ASRGL1: variants seen among roughly 807,000 people sequenced by gnomAD.
ASRGL1 encodes asparaginase and isoaspartyl peptidase 1.
In ASRGL1, 16 loss-of-function variants were observed where a neutral mutation model predicts 22.4. The observed-to-expected ratio is 0.71, with a 90% CI of 0.48 to 1.08. ASRGL1 has a LOEUF of 1.08. Among genes scored for constraint, ASRGL1 ranks in the 50% least tolerant of loss-of-function variants. The pLI, the probability that ASRGL1 is intolerant of heterozygous loss-of-function variation, is 0.00. For missense variants in ASRGL1, 412 were observed against 410.1 expected, an observed-to-expected ratio of 1.00 and a Z score of -0.04; for synonymous variants, 165 against 159.3, an observed-to-expected ratio of 1.04 and a Z score of -0.27.
chr11:62,342,825 A>G (rs1272716570), intron 2 of ASRGL1, among the ~76,000 whole-genome samples: 1 of 152,124 alleles, frequency 6.6e-6, no homozygotes, highest in Non-Finnish European at 1.5e-5. Context: ...TTTGGTTAAC[A>G]TAATACATTA....
intron 4 of ASRGL1, chr11:62,371,391 C>T (rs536162453): frequency 1.6e-6 from 1 of 615,308 alleles, no homozygotes; most frequent in South Asian, 2.1e-5. Context: ...CTGTGGTGGT[C>T]GCCGAACCCG....
At chr11:62,362,891 A>ATTTTTTTT (rs60507577) in intron 4 of ASRGL1, among the ~76,000 whole-genome samples, 3 of 50,366 alleles carry the variant, frequency 6.0e-5, no homozygotes, top group African/African-American at 2.9e-4. Context: ...AAAGGATTTA[A>ATTTTTTTT]TTTTTTTTTT....
chr11:62,338,282 ATG>A, intron 2 of ASRGL1, 115 bp downstream of exon 2: 5 of 1,081,444 alleles, frequency 4.6e-6, no homozygotes, highest in Non-Finnish European at 6.3e-6. Flanking sequence ...GAAACTAAGT[ATG>A]TAAAAAAGAA....
At chr11:62,399,922 T>C in the ASRGL1 span, among the ~76,000 whole-genome samples, 1 of 152,212 alleles carries the variant, frequency 6.6e-6, no homozygotes. Context: ...GGGTGGCAGC[T>C]GGGCCTGTGC....
chr11:62,357,205 T>G, intron 4 of ASRGL1, 61 bp downstream of exon 4: 3 of 1,517,630 alleles, frequency 2.0e-6, no homozygotes, highest in South Asian at 1.2e-5. Context: ...GTTTGGCAAA[T>G]ACCTGGTTAT....
At chr11:62,391,718 G>GAC in intron 6 of ASRGL1, 86 bp downstream of exon 6, 8 of 1,409,228 alleles carry the variant, frequency 5.7e-6, no homozygotes, top group Non-Finnish European at 7.6e-6. Context: ...GAGAAGTGTA[G>GAC]GAAACCCTTT....
intron 2 of ASRGL1, among the ~76,000 whole-genome samples, chr11:62,342,662 G>A (rs1389717535): frequency 1.3e-5 from 2 of 152,010 alleles, no homozygotes; most frequent in Non-Finnish European, 2.9e-5. Flanking sequence ...GGAGGCTGAG[G>A]CATGAGAATC....
At chr11:62,394,501 G>T (rs1387399934), downstream of ASRGL1, among the ~76,000 whole-genome samples, 1 of 151,666 alleles carries the variant, frequency 6.6e-6, no homozygotes, top group East Asian at 1.9e-4. Context: ...GGAGAGGACA[G>T]AATTCAGTCC....
At chr11:62,360,177 GCCA>G (rs2134619149) in intron 4 of ASRGL1, among the ~76,000 whole-genome samples, 1 of 151,606 alleles carries the variant, frequency 6.6e-6, no homozygotes, top group East Asian at 1.9e-4. Context: ...ACAGGTGTGC[GCCA>G]CCACGCCTGG....
At chr11:62,358,763 G>A (rs538483579) in intron 4 of ASRGL1, among the ~76,000 whole-genome samples, 5 of 152,270 alleles carry the variant, frequency 3.3e-5, no homozygotes, top group African/African-American at 1.2e-4. Context: ...CTCCACATCC[G>A]TTGCTCTATG....
chr11:62,343,918 CTTTTTTTTTT>C (rs34446979), intron 2 of ASRGL1, among the ~76,000 whole-genome samples: 1 of 100,648 alleles, frequency 9.9e-6, no homozygotes, highest in African/African-American at 3.8e-5. Flanking sequence ...TCATGCATTT[CTTTTTTTTTT>C]TTTTTTTTTT....
chr11:62,356,352 G>T lies in ASRGL1; in HGVS notation c.218G>T (p.Gly73Val). 1 of 1,614,218 alleles carries T rather than the reference G, an allele frequency of 6.2e-7. No individual in the cohort carries two copies. Among genetic ancestry groups the T allele is most frequent in the Non-Finnish European group, 8.5e-7 (1 of 1,180,026 alleles). ...AGCGSVLNTN[G>V]EVEMDASIMD... Reference sequence around the variant, plus strand: ...TGTGGGTCTGTCTTGAACACAAATGGTGAGGTTGAAATGGATGCTAGTATC... The same window carrying T: ...TGTGGGTCTGTCTTGAACACAAATGTTGAGGTTGAAATGGATGCTAGTATC... Residue 73 changes from glycine (G) to valine (V), a missense_variant, in exon 3 of 7, where the codon GGT becomes GTT. Gly to Val is a moderately radical substitution (Grantham distance 109). Transcript: ENST00000415229.
intron 6 of ASRGL1, 197 bp downstream of exon 6, chr11:62,391,829 T>G: frequency 1.3e-6 from 1 of 763,926 alleles, no homozygotes; most frequent in Non-Finnish European, 2.1e-6. Context: ...ACTGTTATCT[T>G]CCACATCTCA....
the ASRGL1 span, among the ~76,000 whole-genome samples, chr11:62,400,087 G>A: frequency 6.6e-6 from 1 of 152,120 alleles, no homozygotes; most frequent in Non-Finnish European, 1.5e-5. Flanking sequence ...CTGCTGCCTG[G>A]ATCCAGTCTA....
intron 4 of ASRGL1, among the ~76,000 whole-genome samples, chr11:62,366,615 A>AT (rs1946616625): frequency 6.6e-6 from 1 of 150,534 alleles, no homozygotes; most frequent in South Asian, 2.1e-4. Context: ...TCCTACACTC[A>AT]TTTTTTCCTT....
intron 2 of ASRGL1, among the ~76,000 whole-genome samples, chr11:62,355,519 C>T (rs1946265054): frequency 6.6e-6 from 1 of 151,976 alleles, no homozygotes; most frequent in East Asian, 1.9e-4. Context: ...CCGCTGTGCC[C>T]GGCCAAGATT....
At chr11:62,369,887 T>C (rs1037876933) in intron 4 of ASRGL1, among the ~76,000 whole-genome samples, 1 of 152,202 alleles carries the variant, frequency 6.6e-6, no homozygotes, top group African/African-American at 2.4e-5. Flanking sequence ...CTCATGAGCC[T>C]ATCTTCCATC....
chr11:62,349,373 C>T (rs1456100547), intron 2 of ASRGL1, among the ~76,000 whole-genome samples: 1 of 152,116 alleles, frequency 6.6e-6, no homozygotes, highest in Non-Finnish European at 1.5e-5. Context: ...TGCCCAATAG[C>T]CCAGGAATAA....
At position 62,362,891 on chromosome 11, in the gene ASRGL1, ATTTTTTTTTTT is replaced by A. The variant is rs60507577; in HGVS notation, c.491+5782_491+5792del. Among the ~76,000 whole-genome samples the A allele has an allele frequency of 7.1e-3, 359 of 50,248 alleles. 1 individual carries two copies. The highest frequency in any genetic ancestry group is 0.057 in the East Asian group (85 of 1,498). The allele number at this position is 50,248 out of a possible 152,430, so 33.0% of individuals were successfully genotyped here. On this transcript the variant is annotated intron_variant, in intron 4 of 6. Coordinates refer to ENST00000415229, the MANE Select transcript of ASRGL1 (RefSeq NM_001083926.2). ...GGCTACTTCACCTTTAAAGGATTTAATTTTTTTTTTTTTTTTTTTTTTTTTTTTTTTTTTTT... is the reference window on the plus strand; with the variant it reads ...GGCTACTTCACCTTTAAAGGATTTAATTTTTTTTTTTTTTTTTTTTTTTTT...
Sources: gnomAD v4.1 joint callset for allele counts (sites outside exome capture counted in the v4.1 genomes callset) on GRCh38, gnomAD v4.1.1 for gene constraint, MANE v1.5 for transcripts, NCBI Gene and HGNC (gene_info 2026-07-23, HGNC 2026-07-21) for gene names.